Variants in CAMK1D observed in about 807,000 individuals in gnomAD.
CAMK1D encodes the protein calcium/calmodulin-dependent protein kinase type 1D.
A neutral mutation model predicts 47.7 loss-of-function variants in CAMK1D; 9 were observed. That is an observed-to-expected ratio of 0.19 (90% CI 0.11 to 0.33). The LOEUF is 0.33. Among genes scored for constraint, CAMK1D ranks in the 10% least tolerant of loss-of-function variants. The pLI, the probability that CAMK1D is intolerant of heterozygous loss-of-function variation, is 1.00. For missense variants in CAMK1D, 291 were observed against 488.7 expected (o/e 0.60, Z 3.81); for synonymous variants, 184 against 184.9 (o/e 0.99, Z 0.04).
intron 2 of CAMK1D, among the ~76,000 whole-genome samples, chr10:12,587,639 G>A (rs1837859796): frequency 6.6e-6 from 1 of 152,074 alleles, no homozygotes; most frequent in African/African-American, 2.4e-5. Context: ...GCTGGAAGAA[G>A]AGGGCAGGGA....
At chr10:12,620,202 A>AAAAAAAAAAAAAAAAAAAAAAAAT (rs1838953461) in intron 2 of CAMK1D, among the ~76,000 whole-genome samples, 3 of 146,106 alleles carry the variant, frequency 2.1e-5, no homozygotes, top group African/African-American at 2.5e-5. Context: ...AAAAAAAAAA[A>AAAAAAAAAAAAAAAAAAAAAAAAT]AAAAAAAAAA....
intron 5 of CAMK1D, among the ~76,000 whole-genome samples, chr10:12,780,699 A>G (rs947540414): frequency 3.3e-5 from 5 of 152,250 alleles, no homozygotes; most frequent in Non-Finnish European, 7.3e-5. Flanking sequence ...CTTAAATACC[A>G]TATTTTGGTC....
chr10:12,432,049 A>T (rs1307776490), intron 1 of CAMK1D, among the ~76,000 whole-genome samples: 1 of 152,134 alleles, frequency 6.6e-6, no homozygotes, highest in Non-Finnish European at 1.5e-5. Context: ...CTACCTTTGG[A>T]AGAGGGGTTT....
At chr10:12,409,219 G>A (rs921023746) in intron 1 of CAMK1D, among the ~76,000 whole-genome samples, 3 of 151,864 alleles carry the variant, frequency 2.0e-5, no homozygotes, top group Non-Finnish European at 4.4e-5. Flanking sequence ...TTCTGTAATC[G>A]TGTATTCAGC....
At chr10:12,632,676 G>T (rs893332428) in intron 2 of CAMK1D, among the ~76,000 whole-genome samples, 1 of 152,106 alleles carries the variant, frequency 6.6e-6, no homozygotes, top group Non-Finnish European at 1.5e-5. Context: ...CTGCTCATGT[G>T]TTCAGTGTCT....
intron 1 of CAMK1D, among the ~76,000 whole-genome samples, chr10:12,493,104 G>A (rs1410542001): frequency 6.6e-6 from 1 of 152,214 alleles, no homozygotes; most frequent in African/African-American, 2.4e-5. Context: ...ACTGAGCCAA[G>A]TAGGCAAATC....
At chr10:12,628,664 C>T (rs1394069068) in intron 2 of CAMK1D, among the ~76,000 whole-genome samples, 1 of 152,122 alleles carries the variant, frequency 6.6e-6, no homozygotes, top group East Asian at 1.9e-4. Flanking sequence ...ACATTAGGGT[C>T]CACTCTTTAT....
chr10:12,759,280 G>C (rs1277515372), intron 3 of CAMK1D, among the ~76,000 whole-genome samples: 2 of 152,210 alleles, frequency 1.3e-5, no homozygotes, highest in Non-Finnish European at 2.9e-5. Flanking sequence ...CTTAAGCCCT[G>C]TAGGTCAAGG....
In CAMK1D at chr10:12,693,136, G is replaced by A. The variant is rs544250611; in HGVS notation, c.299+26326G>A. Among the ~76,000 whole-genome samples the A allele has an allele frequency of 1.4e-4, 21 of 152,234 alleles. No homozygotes were observed. The South Asian group carries it at 2.3e-3, about 17-fold the overall frequency. On this transcript the variant is annotated intron_variant, in intron 3 of 10. Coordinates refer to ENST00000619168, the MANE Select transcript of CAMK1D (RefSeq NM_153498.4). ...CCCAGCACTTTGGGAGGCCAAGGCG[G>A]GTAGGTCACTTGAGGTCAGGAGTTC...
chr10:12,814,496 T>C (rs921269574), intron 7 of CAMK1D, among the ~76,000 whole-genome samples, 189 bp downstream of exon 7: 3 of 152,146 alleles, frequency 2.0e-5, no homozygotes, highest in Admixed American at 6.6e-5. Context: ...TCCTCGCAGC[T>C]CTGGAGGCTG....
intron 1 of CAMK1D, among the ~76,000 whole-genome samples, chr10:12,531,451 C>G (rs1194937217): frequency 6.6e-6 from 1 of 152,142 alleles, no homozygotes; most frequent in Non-Finnish European, 1.5e-5. Flanking sequence ...CTGTGTGCAT[C>G]ATATTTGCTT....
chr10:12,568,929 A>G (rs958334110), intron 2 of CAMK1D, among the ~76,000 whole-genome samples: 2 of 152,228 alleles, frequency 1.3e-5, no homozygotes, highest in African/African-American at 4.8e-5. Context: ...ACTTTTTCAA[A>G]AAGATAATAT....
intron 3 of CAMK1D, among the ~76,000 whole-genome samples, chr10:12,702,443 A>G (rs923659170): frequency 2.0e-5 from 3 of 152,202 alleles, no homozygotes; most frequent in Non-Finnish European, 2.9e-5. Flanking sequence ...CTACTTGAAG[A>G]CGGGCTCCAT....
At chr10:12,801,527 ATCCATTCATCCT>A (rs1331596032) in intron 6 of CAMK1D, among the ~76,000 whole-genome samples, 2 of 150,954 alleles carry the variant, frequency 1.3e-5, no homozygotes, top group Non-Finnish European at 2.9e-5. Context: ...CTATTTGTTT[ATCCATTCATCCT>A]TCCATCCACC....
intron 1 of CAMK1D, among the ~76,000 whole-genome samples, chr10:12,486,163 CTTT>C (rs55689904): frequency 2.1e-5 from 3 of 143,220 alleles, no homozygotes; most frequent in Non-Finnish European, 1.5e-5. Flanking sequence ...TTGCCAGTCT[CTTT>C]TTTTTTTTTT....
intron 1 of CAMK1D, among the ~76,000 whole-genome samples, chr10:12,437,077 C>T (rs1832654221): frequency 6.6e-6 from 1 of 151,034 alleles, no homozygotes; most frequent in Non-Finnish European, 1.5e-5. Flanking sequence ...TGTGAAATGG[C>T]ATCTACTAGG....
chr10:12,475,400 T>C (rs912402299), intron 1 of CAMK1D, among the ~76,000 whole-genome samples: 5 of 152,240 alleles, frequency 3.3e-5, no homozygotes, highest in African/African-American at 1.2e-4. Flanking sequence ...GTGTCTGGTC[T>C]GTTTCACTTA....
chr10:12,682,081 G>C (rs567245511), intron 3 of CAMK1D, among the ~76,000 whole-genome samples: 1 of 152,170 alleles, frequency 6.6e-6, no homozygotes, highest in Non-Finnish European at 1.5e-5. Context: ...TTAGGCAGGC[G>C]TGGTGTTGGG....
intron 1 of CAMK1D, among the ~76,000 whole-genome samples, chr10:12,514,137 G>A (rs922026281): frequency 2.0e-5 from 3 of 152,152 alleles, no homozygotes; most frequent in Admixed American, 6.5e-5. Context: ...GCTGGAGTGC[G>A]GCGTGGCAGT....
Sources: gnomAD v4.1 joint callset for allele counts (sites outside exome capture counted in the v4.1 genomes callset) on GRCh38, gnomAD v4.1.1 for gene constraint, MANE v1.5 for transcripts, NCBI Gene and HGNC (gene_info 2026-07-23, HGNC 2026-07-21) for gene names.